The following FXR1 variants were observed in gnomAD, a reference collection of about 807,000 sequenced individuals.
FXR1 encodes the protein RNA-binding protein FXR1.
Under a neutral mutation model 84.0 loss-of-function variants are expected in FXR1, and 15 were observed. The observed-to-expected ratio is 0.18, with a 90% CI of 0.12 to 0.27. The LOEUF is 0.27. Ranked by LOEUF, FXR1 falls within the 10% of genes least tolerant of loss-of-function variation. The pLI, the probability that FXR1 is intolerant of heterozygous loss-of-function variation, is 1.00. For synonymous variants in FXR1, 245 were observed against 250.7 expected, an observed-to-expected ratio of 0.98 and a Z score of 0.21; for missense variants, 480 against 774.4, an observed-to-expected ratio of 0.62 and a Z score of 4.51.
chr3:180,970,384 AT>A (rs1187151282), intron 15 of FXR1, 26 bp downstream of exon 15: 17 of 21,210 alleles, frequency 8.0e-4, no homozygotes, highest in Non-Finnish European at 1.1e-3. Context: ...GGGAAGAGAA[AT>A]ATATATATAT....
intron 1 of FXR1, chr3:180,915,737 T>C: frequency 2.9e-6 from 2 of 688,672 alleles, no homozygotes; most frequent in Admixed American, 2.1e-5. Context: ...AAGTCAGTTA[T>C]CATGCCTTGA....
At chr3:180,918,483 A>G (rs902123904) in intron 1 of FXR1, among the ~76,000 whole-genome samples, 4 of 152,038 alleles carry the variant, frequency 2.6e-5, no homozygotes, top group Non-Finnish European at 5.9e-5. Context: ...GTGAGCTTAC[A>G]TTTTCATTAG....
chr3:180,931,042 A>AAAAAAAAAAAAAAAAAC (rs1719836120), intron 1 of FXR1, among the ~76,000 whole-genome samples: 1 of 148,526 alleles, frequency 6.7e-6, no homozygotes, highest in Non-Finnish European at 1.5e-5. Flanking sequence ...AAAAAAAAAA[A>AAAAAAAAAAAAAAAAAC]AAAAAGACGT....
Position 180,951,336 on chromosome 3 carries a change from T to C in FXR1, c.669T>C (p.Phe223=). The stretch of plus-strand genomic sequence containing the variant: ...TTGCAGCAGCTTTTCATGAGGAATT[T>C]GTTGTGAGAGAAGATTTAATGGGCC... The part of the protein sequence containing the change: ...KQLAAAFHEE[F]VVREDLMGLA... Residue 223 remains phenylalanine, a synonymous_variant, in exon 8 of 17, where the codon TTT becomes TTC. Transcript: ENST00000357559. The C allele has an allele frequency of 6.2e-7, 1 of 1,609,644 alleles. No individual in the cohort carries two copies. The highest frequency in any genetic ancestry group is 8.5e-7 in the Non-Finnish European group (1 of 1,176,136).
chr3:180,914,947 C>A lies in FXR1; in HGVS notation c.51+2211C>A, dbSNP rs575802100. On this transcript the variant is annotated intron_variant, in intron 1 of 16. Coordinates refer to ENST00000357559, the MANE Select transcript of FXR1 (RefSeq NM_005087.4). The stretch of plus-strand genomic sequence containing the variant: ...CAGAACTCTGGAAGAATGAGAATGG[C>A]GGAGTGGAAAAGAGTCCTGGATTTG... The A allele has an allele frequency of 4.6e-5, 45 of 984,060 alleles. 1 individual carries two copies. In the South Asian group the frequency reaches 1.9e-3, roughly 41 times the overall value. 61.0% of individuals were successfully genotyped at this position (984,060 alleles called of 1,614,324 possible). A position where few individuals can be genotyped will look rare whatever the true frequency, so the allele number is the denominator to read the frequency against.
intron 13 of FXR1, among the ~76,000 whole-genome samples, chr3:180,965,126 C>T (rs1364287255): frequency 6.6e-6 from 1 of 151,992 alleles, no homozygotes; most frequent in African/African-American, 2.4e-5. Context: ...AAGTGATTCT[C>T]CTGCCTCAGC....
intron 13 of FXR1, 43 bp downstream of exon 13, chr3:180,963,133 ATAG>A (rs751548490): frequency 2.5e-5 from 19 of 764,336 alleles, no homozygotes; most frequent in Middle Eastern, 6.5e-4. Context: ...AATAGTAATA[ATAG>A]TAGTTATAGT....
intron 1 of FXR1, among the ~76,000 whole-genome samples, chr3:180,914,492 C>G (rs1717643242): frequency 6.6e-6 from 1 of 152,000 alleles, no homozygotes; most frequent in African/African-American, 2.4e-5. Context: ...TTTCATGGTT[C>G]TGCATCATGC....
intron 3 of FXR1, among the ~76,000 whole-genome samples, chr3:180,946,987 C>G (rs1721763462): frequency 6.6e-6 from 1 of 152,120 alleles, no homozygotes; most frequent in African/African-American, 2.4e-5. Flanking sequence ...CTTCTGTGAC[C>G]TATTACGTTA....
intron 14 of FXR1, among the ~76,000 whole-genome samples, chr3:180,969,204 G>T (rs1267330006): frequency 6.6e-6 from 1 of 152,150 alleles, no homozygotes; most frequent in African/African-American, 2.4e-5. Context: ...CAGGCTTTCA[G>T]GGTAATAGTT....
rs1037129161 is a variant in FXR1, at chr3:180,976,675, C to G, written c.*383C>G. ...TTACATTTTTAATATGCAACCACTTCTTCACCTGAGGAAAACTAGAATGAA... is the reference window on the plus strand; with the variant it reads ...TTACATTTTTAATATGCAACCACTTGTTCACCTGAGGAAAACTAGAATGAA... On this transcript the variant is annotated 3_prime_UTR_variant, in exon 17 of 17. Transcript: ENST00000357559. 3.2e-5 allele frequency: 5 copies of G among 154,104 alleles called. No individual in the cohort carries two copies. Among genetic ancestry groups the G allele is most frequent in the African/African-American group, 1.2e-4 (5 of 41,490 alleles). 9.5% of individuals were successfully genotyped at this position (154,104 alleles called of 1,614,324 possible). A position where few individuals can be genotyped will look rare whatever the true frequency, so the allele number is the denominator to read the frequency against.
intron 1 of FXR1, among the ~76,000 whole-genome samples, chr3:180,926,991 A>G (rs1576905862): frequency 2.0e-5 from 3 of 152,100 alleles, no homozygotes; most frequent in South Asian, 2.1e-4. Flanking sequence ...TACCTGATCT[A>G]TTGATCAGTA....
At chr3:180,960,489 A>G (rs943235491) in intron 10 of FXR1, among the ~76,000 whole-genome samples, 14 of 152,186 alleles carry the variant, frequency 9.2e-5, no homozygotes, top group Admixed American at 9.2e-4. Context: ...TTCTGGAGAC[A>G]GATTCTTGCT....
intron 14 of FXR1, among the ~76,000 whole-genome samples, chr3:180,969,018 T>G (rs999417365): frequency 6.6e-6 from 1 of 152,194 alleles, no homozygotes; most frequent in Non-Finnish European, 1.5e-5. Flanking sequence ...TGAAAACTTA[T>G]GTAGTATTTT....
chr3:180,931,954 T>G (rs1048306459), intron 1 of FXR1, among the ~76,000 whole-genome samples: 7 of 150,668 alleles, frequency 4.6e-5, no homozygotes, highest in Non-Finnish European at 1.0e-4. Context: ...TTGCCTAGGA[T>G]GGTCTCGAAC....
At position 180,942,164 on chromosome 3, in the gene FXR1, G is replaced by A. The variant is rs1388759459; in HGVS notation, c.199-5701G>A. 2.0e-5 allele frequency among the ~76,000 whole-genome samples: 3 copies of A among 152,066 alleles called. No homozygotes were observed. The East Asian group carries it at 5.8e-4, about 30-fold the overall frequency. On this transcript the variant is annotated intron_variant, in intron 3 of 16. Transcript: ENST00000357559. ...GAGGCCGAGGCGGGCAGATCATGAG[G>A]TCAGGAGATTGAGACCATCCTGGCT...
chr3:180,953,221 C>T (rs1722412339), intron 8 of FXR1, among the ~76,000 whole-genome samples: 1 of 152,104 alleles, frequency 6.6e-6, no homozygotes, highest in African/African-American at 2.4e-5. Context: ...TGTAGAGACT[C>T]ACTCCCAACC....
At chr3:180,935,504 C>T (rs1270229716) in intron 3 of FXR1, among the ~76,000 whole-genome samples, 1 of 152,174 alleles carries the variant, frequency 6.6e-6, no homozygotes, top group Non-Finnish European at 1.5e-5. Flanking sequence ...AAGAACCTAG[C>T]ATTGAACGCT....
At chr3:180,940,316 A>G (rs1341382407) in intron 3 of FXR1, among the ~76,000 whole-genome samples, 2 of 152,176 alleles carry the variant, frequency 1.3e-5, no homozygotes, top group Non-Finnish European at 2.9e-5. Flanking sequence ...CTAGAAAAAT[A>G]TGCTCCGCCT....
Sources: gnomAD v4.1 joint callset for allele counts (sites outside exome capture counted in the v4.1 genomes callset) on GRCh38, gnomAD v4.1.1 for gene constraint, MANE v1.5 for transcripts, NCBI Gene and HGNC (gene_info 2026-07-23, HGNC 2026-07-21) for gene names.